The following CHN2 variants were observed in gnomAD, a reference collection of about 807,000 sequenced individuals.
The protein encoded by CHN2 is beta-chimaerin.
Under a neutral mutation model 56.3 loss-of-function variants are expected in CHN2, and 35 were observed. The ratio of observed to expected loss-of-function variants is 0.62; its 90% CI spans 0.47 to 0.82. The LOEUF (loss-of-function observed/expected upper bound fraction) is 0.82, where lower values mean the gene tolerates loss of function less well. CHN2 is among the 40% of genes least tolerant of loss of function. The probability of loss-of-function intolerance (pLI) is 0.00; values close to 1 mark genes in which losing one functional copy is unlikely to be tolerated. For missense variants in CHN2, 491 were observed against 580.5 expected (o/e 0.85, Z 1.58); for synonymous variants, 210 against 212.8 (o/e 0.99, Z 0.12).
At chr7:29,398,137 C>G (rs1430853996) in intron 4 of CHN2, 3 of 351,544 alleles carry the variant, frequency 8.5e-6, no homozygotes, top group African/African-American at 4.2e-5. Context: ...AAGACAATAG[C>G]AGAAAGCCAG....
intron 1 of CHN2, among the ~76,000 whole-genome samples, chr7:29,232,603 C>T (rs1022820300): frequency 6.6e-6 from 1 of 152,202 alleles, no homozygotes; most frequent in Non-Finnish European, 1.5e-5. Flanking sequence ...CTTGAAAACA[C>T]GATGAGTGAT....
chr7:29,485,251 A>T (rs1469879920), intron 7 of CHN2, among the ~76,000 whole-genome samples: 1 of 152,208 alleles, frequency 6.6e-6, no homozygotes, highest in African/African-American at 2.4e-5. Flanking sequence ...ATTATGCAGG[A>T]CTGGGCAGGT....
At chr7:29,268,283 A>AACACACAC (rs145638795) in intron 1 of CHN2, among the ~76,000 whole-genome samples, 7,491 of 134,128 alleles carry the variant, frequency 0.056, 364 homozygotes, top group African/African-American at 0.13. Context: ...GCTTCACCAG[A>AACACACAC]ACACACACAC....
At chr7:29,440,139 C>A (rs1023505211) in intron 6 of CHN2, among the ~76,000 whole-genome samples, 1 of 152,102 alleles carries the variant, frequency 6.6e-6, no homozygotes, top group Non-Finnish European at 1.5e-5. Context: ...TTCTGAAAAA[C>A]AACAAATTCT....
At chr7:29,284,402 G>C (rs1398845044) in intron 1 of CHN2, among the ~76,000 whole-genome samples, 2 of 152,166 alleles carry the variant, frequency 1.3e-5, no homozygotes, top group Non-Finnish European at 2.9e-5. Flanking sequence ...GCCTAGGCAA[G>C]CTCTTTAAAA....
rs138910326 is a variant in CHN2, at chr7:29,291,272, A to G, written c.50-63353A>G. 9.4e-3 allele frequency among the ~76,000 whole-genome samples: 1,431 copies of G among 152,204 alleles called. 15 individuals are homozygous for G. The highest frequency in any genetic ancestry group is 0.024 in the Middle Eastern group (7 of 294). The stretch of plus-strand genomic sequence containing the variant: ...TGATCACCAGTTTCAGGTGTTTTCT[A>G]TCTATTGGGAGCCAGCCGTTCCCTG... On this transcript the variant is annotated intron_variant, in intron 1 of 12. Coordinates refer to ENST00000222792, the MANE Select transcript of CHN2 (RefSeq NM_004067.4).
intron 1 of CHN2, among the ~76,000 whole-genome samples, chr7:29,227,341 T>C (rs1786286466): frequency 1.3e-5 from 2 of 152,238 alleles, no homozygotes; most frequent in African/African-American, 4.8e-5. Flanking sequence ...CAGCATCCTG[T>C]ACATCATTAA....
intron 3 of CHN2, 102 bp from the exon 4 acceptor site, chr7:29,393,577 A>G: frequency 1.8e-6 from 1 of 547,268 alleles, no homozygotes; most frequent in Non-Finnish European, 3.0e-6. Context: ...AATCTGTAAT[A>G]AAATTACTAC....
intron 1 of CHN2, among the ~76,000 whole-genome samples, chr7:29,224,859 A>G (rs1451602214): frequency 1.3e-5 from 2 of 152,176 alleles, no homozygotes; most frequent in Non-Finnish European, 2.9e-5. Context: ...TGCTGTCTGT[A>G]TTTTTCTCAT....
intron 1 of CHN2, among the ~76,000 whole-genome samples, chr7:29,323,955 G>T (rs1309729938): frequency 1.3e-5 from 2 of 151,986 alleles, no homozygotes; most frequent in Non-Finnish European, 2.9e-5. Context: ...AGTGAGCAGA[G>T]ATTGTGCCAC....
chr7:29,361,475 G>T (rs1437116077), intron 2 of CHN2, among the ~76,000 whole-genome samples: 1 of 152,156 alleles, frequency 6.6e-6, no homozygotes, highest in Non-Finnish European at 1.5e-5. Flanking sequence ...ACAGGGTTTT[G>T]CAGATTCTGA....
intron 1 of CHN2, among the ~76,000 whole-genome samples, chr7:29,228,121 TAAA>T (rs199570625): frequency 6.7e-6 from 1 of 148,706 alleles, no homozygotes; most frequent in East Asian, 2.0e-4. Context: ...GAAGCTACCT[TAAA>T]AAAAAACCTG....
At chr7:29,319,142 A>G (rs1031208255) in intron 1 of CHN2, among the ~76,000 whole-genome samples, 3 of 152,196 alleles carry the variant, frequency 2.0e-5, no homozygotes, top group African/African-American at 7.2e-5. Context: ...TGTGTGTGAA[A>G]TTTGCACATT....
At chr7:29,293,362 G>GGC (rs1792812098) in intron 1 of CHN2, among the ~76,000 whole-genome samples, 7 of 53,110 alleles carry the variant, frequency 1.3e-4, no homozygotes, top group Non-Finnish European at 2.0e-4. Context: ...GGCAGCTAAT[G>GGC]CCCCCCCCCC....
chr7:29,259,893 G>A (rs1263652725), intron 1 of CHN2, among the ~76,000 whole-genome samples: 2 of 152,196 alleles, frequency 1.3e-5, no homozygotes, highest in African/African-American at 4.8e-5. Context: ...AAGGAAAACA[G>A]TGGAAATATA....
At chr7:29,321,774 T>G (rs1362505818) in intron 1 of CHN2, among the ~76,000 whole-genome samples, 2 of 152,074 alleles carry the variant, frequency 1.3e-5, no homozygotes, top group Non-Finnish European at 2.9e-5. Flanking sequence ...TTCTCCATGT[T>G]GGTCAGGCTG....
intron 6 of CHN2, among the ~76,000 whole-genome samples, chr7:29,453,728 TAGAG>T (rs1477965593): frequency 6.6e-6 from 1 of 152,158 alleles, no homozygotes; most frequent in African/African-American, 2.4e-5. Context: ...TTGGATTTGA[TAGAG>T]AGATCAAGGC....
upstream of CHN2, chr7:29,191,833 T>C (rs1450763340): frequency 1.3e-5 from 2 of 152,202 alleles, no homozygotes; most frequent in Admixed American, 6.5e-5. Context: ...AGAAATACTT[T>C]AGAAGGTCCA....
chr7:29,504,291 A>G (rs1045553594), intron 9 of CHN2, among the ~76,000 whole-genome samples: 6 of 152,170 alleles, frequency 3.9e-5, no homozygotes, highest in South Asian at 2.1e-4. Flanking sequence ...ATTATTACAC[A>G]TCTTATGCCT....
Sources: allele counts gnomAD v4.1 joint callset (sites outside exome capture counted in the v4.1 genomes callset), GRCh38; gene constraint gnomAD v4.1.1; transcripts MANE v1.5; gene names NCBI Gene and HGNC (gene_info 2026-07-23, HGNC 2026-07-21).